Variants in LRTM1 observed in about 807,000 individuals in gnomAD.
The protein encoded by LRTM1 is leucine-rich repeat and transmembrane domain-containing protein 1.
In LRTM1, 38 loss-of-function variants were observed where a neutral mutation model predicts 32.4. The ratio of observed to expected loss-of-function variants is 1.17; its 90% CI spans 0.91 to 1.54. LRTM1 has a LOEUF of 1.54. Among genes scored for constraint, LRTM1 ranks in the 40% most tolerant of loss-of-function variants. The probability of loss-of-function intolerance (pLI) is 0.00; values close to 1 mark genes in which losing one functional copy is unlikely to be tolerated. For missense variants in LRTM1, 466 were observed against 415.4 expected, an observed-to-expected ratio of 1.12 and a Z score of -1.06; for synonymous variants, 186 against 169.9, an observed-to-expected ratio of 1.09 and a Z score of -0.74.
intron 2 of LRTM1, among the ~76,000 whole-genome samples, chr3:54,923,995 G>T (rs899511649): frequency 2.6e-5 from 4 of 152,214 alleles, no homozygotes; most frequent in Admixed American, 6.5e-5. Flanking sequence ...ATGGGCTGTG[G>T]CCCTGGGGCT....
chr3:54,928,506 C>CA, upstream of LRTM1, among the ~76,000 whole-genome samples: 1 of 152,160 alleles, frequency 6.6e-6, no homozygotes, highest in Non-Finnish European at 1.5e-5. Flanking sequence ...TGGAGGCTGA[C>CA]ACGGTTTGCA....
At chr3:54,956,414 C>T (rs1701894146) in intron 1 of LRTM1, among the ~76,000 whole-genome samples, 1 of 152,208 alleles carries the variant, frequency 6.6e-6, no homozygotes, top group African/African-American at 2.4e-5. Flanking sequence ...AGAATAATTA[C>T]CAGTTTTTGT....
intron 1 of LRTM1, among the ~76,000 whole-genome samples, chr3:54,933,535 C>T (rs569955010): frequency 2.0e-5 from 3 of 152,318 alleles, no homozygotes; most frequent in South Asian, 4.1e-4. Flanking sequence ...GCAAGAGATG[C>T]TGGGAAATGT....
Position 54,918,701 on chromosome 3 carries a change from G to A in LRTM1, c.796C>T (p.Arg266Ter), listed in dbSNP as rs753133757. Residue 266 changes from arginine (R) to a stop codon, truncating the protein, a stop_gained, in exon 3 of 3, where the codon CGA becomes TGA. Transcript: ENST00000273286. LOFTEE classifies it high-confidence loss of function. Reference protein sequence around the residue: ...RPPENHNAGERELLECELKPK... With the variant: ...RPPENHNAGE ...TTGAGCTCGCACTCCAAGAGTTCTC[G>A]CTCCCCCGCGTTGTGGTTCTCAGGA... 36 of 1,613,998 alleles carry A rather than the reference G, an allele frequency of 2.2e-5. No homozygotes were observed. The highest frequency in any genetic ancestry group is 8.0e-5 in the African/African-American group (6 of 74,920).
chr3:54,948,256 T>C (rs1383546900), intron 1 of LRTM1, among the ~76,000 whole-genome samples: 1 of 152,216 alleles, frequency 6.6e-6, no homozygotes, highest in Non-Finnish European at 1.5e-5. Context: ...CCAAGGTCCA[T>C]TCCAGGTGAC....
Position 54,924,923 on chromosome 3 carries a change from C to G in LRTM1, c.300G>C (p.Leu100Phe), listed in dbSNP as rs1700966940. The G allele has an allele frequency of 1.9e-6, 3 of 1,612,952 alleles. No homozygotes were observed. The highest frequency in any genetic ancestry group is 2.7e-5 in the African/African-American group (2 of 74,974). The change falls in exon 2 of 3, where the codon TTG becomes TTC. Residue 100 changes from leucine (L) to phenylalanine (F), a missense_variant. Transcript: ENST00000273286. ...APGAFHGLQH[L>F]QVLNLTQNSL... ...AATTCTGGGTTAGATTTAAAACCTG[C>G]AAGTGCTGAAGCCCATGGAAAGCTC...
intron 2 of LRTM1, among the ~76,000 whole-genome samples, chr3:54,922,566 G>T (rs1437365367): frequency 6.6e-6 from 1 of 152,050 alleles, no homozygotes; most frequent in African/African-American, 2.4e-5. Context: ...TGTTGAGAAG[G>T]ATTTATTCAA....
intron 1 of LRTM1, among the ~76,000 whole-genome samples, chr3:54,942,858 A>G (rs1331524731): frequency 6.6e-6 from 1 of 152,100 alleles, no homozygotes; most frequent in Non-Finnish European, 1.5e-5. Flanking sequence ...CCCCATCTCT[A>G]CTAAAAATAC....
intron 1 of LRTM1, among the ~76,000 whole-genome samples, chr3:54,926,480 C>A (rs1348240677): frequency 1.4e-5 from 2 of 146,922 alleles, no homozygotes; most frequent in Admixed American, 1.4e-4. Context: ...GAGTTCTTAT[C>A]TACTGTGCTC....
intron 1 of LRTM1, among the ~76,000 whole-genome samples, chr3:54,965,113 C>A (rs978522797): frequency 2.6e-5 from 4 of 152,190 alleles, no homozygotes; most frequent in Admixed American, 1.3e-4. Flanking sequence ...CATGCAATCT[C>A]AGTTAAAACT....
At position 54,924,770 on chromosome 3, in the gene LRTM1, A is replaced by T; in HGVS notation, c.453T>A (p.Leu151=). The T allele has an allele frequency of 6.2e-7, 1 of 1,614,090 alleles. No homozygotes were observed. Among genetic ancestry groups the T allele is most frequent in the Non-Finnish European group, 8.5e-7 (1 of 1,180,002 alleles). ...LGETWENLTI[L]AVQQNQLQQL... ...GCTGAAGCTGGTTTTGTTGAACCGC[A>T]AGTATAGTTAGGTTCTCCCAAGTCT... Residue 151 remains leucine, a synonymous_variant, in exon 2 of 3, where the codon CTT becomes CTA. Transcript: ENST00000273286.
At chr3:54,926,847 G>A (rs1159288796) in intron 1 of LRTM1, among the ~76,000 whole-genome samples, 1 of 151,768 alleles carries the variant, frequency 6.6e-6, no homozygotes, top group South Asian at 2.1e-4. Flanking sequence ...TGCAGGAACT[G>A]GGAGAGGGTC....
chr3:54,920,247 C>G (rs1051032322), intron 2 of LRTM1, among the ~76,000 whole-genome samples: 1 of 152,216 alleles, frequency 6.6e-6, no homozygotes, highest in Non-Finnish European at 1.5e-5. Flanking sequence ...CATTTACTCT[C>G]TCTAAGCTTA....
At chr3:54,950,402 C>T (rs941210303) in intron 1 of LRTM1, among the ~76,000 whole-genome samples, 1 of 152,166 alleles carries the variant, frequency 6.6e-6, no homozygotes, top group Admixed American at 6.6e-5. Context: ...GCAACCCCCT[C>T]CTCATTTTAG....
chr3:54,953,396 G>A (rs1005233111), intron 1 of LRTM1, among the ~76,000 whole-genome samples: 1 of 152,096 alleles, frequency 6.6e-6, no homozygotes, highest in African/African-American at 2.4e-5. Flanking sequence ...TAACACTACG[G>A]CTTCTTACCT....
chr3:54,919,266 G>A (rs966114870), intron 2 of LRTM1, among the ~76,000 whole-genome samples: 2 of 152,210 alleles, frequency 1.3e-5, no homozygotes, highest in African/African-American at 2.4e-5. Flanking sequence ...GAGCCCCACA[G>A]ACAAGAAAAC....
chr3:54,947,589 G>A (rs1335851819), intron 1 of LRTM1, among the ~76,000 whole-genome samples: 1 of 152,142 alleles, frequency 6.6e-6, no homozygotes, highest in African/African-American at 2.4e-5. Flanking sequence ...GTGGCCTGAT[G>A]CCCTGGGAAT....
At chr3:54,943,681 G>GTATTACTACTATTTTC (rs377374875) in intron 1 of LRTM1, among the ~76,000 whole-genome samples, 2,523 of 152,004 alleles carry the variant, frequency 0.017, 68 homozygotes, top group African/African-American at 0.057. Flanking sequence ...TCTCAAATAT[G>GTATTACTACTATTTTC]TATTACTACT....
intron 1 of LRTM1, among the ~76,000 whole-genome samples, chr3:54,954,340 G>A (rs1476208396): frequency 6.6e-6 from 1 of 152,188 alleles, no homozygotes; most frequent in East Asian, 1.9e-4. Context: ...CCTCTGGGAG[G>A]CTGTCTCCTT....
Sources: gnomAD v4.1 joint callset for allele counts (sites outside exome capture counted in the v4.1 genomes callset) on GRCh38, gnomAD v4.1.1 for gene constraint, MANE v1.5 for transcripts, NCBI Gene and HGNC (gene_info 2026-07-23, HGNC 2026-07-21) for gene names.